Variants in DLG2 observed in about 807,000 individuals in gnomAD.
The protein encoded by DLG2 is disks large homolog 2.
Under a neutral mutation model 132.5 loss-of-function variants are expected in DLG2, and 45 were observed. That is an observed-to-expected ratio of 0.34 (90% CI 0.27 to 0.44). The LOEUF is 0.44. Among genes scored for constraint, DLG2 ranks in the 20% least tolerant of loss-of-function variants. The pLI, the probability that DLG2 is intolerant of heterozygous loss-of-function variation, is 1.00. For synonymous variants in DLG2, 424 were observed against 419.6 expected (o/e 1.01, Z -0.13); for missense variants, 1,045 against 1,196.9 (o/e 0.87, Z 1.87).
chr11:84,184,145 C>G (rs540465815), intron 8 of DLG2, among the ~76,000 whole-genome samples: 3 of 152,152 alleles, frequency 2.0e-5, no homozygotes, highest in Non-Finnish European at 4.4e-5. Flanking sequence ...CCTGAGGAAT[C>G]GCCACACTGA....
rs769915361 is a variant in DLG2, at chr11:85,461,726, T to C, written c.40+136931A>G. Reference sequence around the variant, plus strand: ...GGAGACGGAAACTGACAAAGGGAGATGTCAATCTAGCATGTAGTGAACTCC... The same window carrying C: ...GGAGACGGAAACTGACAAAGGGAGACGTCAATCTAGCATGTAGTGAACTCC... On this transcript the variant is annotated intron_variant, in intron 3 of 27. Coordinates refer to ENST00000376104, the MANE Select transcript of DLG2 (RefSeq NM_001142699.3). Among the ~76,000 whole-genome samples, 8 of 152,334 alleles carry C rather than the reference T, an allele frequency of 5.3e-5. No individual in the cohort carries two copies. In the East Asian group the frequency reaches 9.6e-4, roughly 18 times the overall value.
intron 3 of DLG2, among the ~76,000 whole-genome samples, chr11:85,345,528 C>T (rs2082772915): frequency 6.6e-6 from 1 of 152,110 alleles, no homozygotes; most frequent in Non-Finnish European, 1.5e-5. Context: ...GAGGAATTTG[C>T]ATGATATCAC....
chr11:84,019,480 G>A (rs1329304058), intron 11 of DLG2, among the ~76,000 whole-genome samples: 4 of 152,188 alleles, frequency 2.6e-5, no homozygotes, highest in South Asian at 2.1e-4. Flanking sequence ...GATACATAGC[G>A]AAAAGACGTA....
chr11:84,351,855 C>G (rs1172168508), intron 7 of DLG2, among the ~76,000 whole-genome samples: 1 of 152,144 alleles, frequency 6.6e-6, no homozygotes, highest in Non-Finnish European at 1.5e-5. Flanking sequence ...ACGCACTATG[C>G]TCCATATATA....
chr11:83,588,106 G>T (rs938519952), intron 19 of DLG2, among the ~76,000 whole-genome samples: 1 of 152,188 alleles, frequency 6.6e-6, no homozygotes, highest in Admixed American at 6.5e-5. Flanking sequence ...AAGCAGCTGG[G>T]AAGCTCGAAC....
chr11:84,671,339 G>A (rs2099705724), intron 6 of DLG2, among the ~76,000 whole-genome samples: 1 of 151,980 alleles, frequency 6.6e-6, no homozygotes, highest in South Asian at 2.1e-4. Context: ...CTGGGCTCAG[G>A]CAGTCATCTC....
At chr11:83,493,973 A>G (rs1166071988) in intron 21 of DLG2, among the ~76,000 whole-genome samples, 1 of 152,146 alleles carries the variant, frequency 6.6e-6, no homozygotes, top group Non-Finnish European at 1.5e-5. Context: ...CAATAAAGCC[A>G]AGGTATCAAA....
intron 17 of DLG2, among the ~76,000 whole-genome samples, chr11:83,823,558 A>G (rs1411969793): frequency 6.6e-6 from 1 of 152,204 alleles, no homozygotes; most frequent in Non-Finnish European, 1.5e-5. Flanking sequence ...TCAGGACAGA[A>G]GGGATTAATT....
chr11:85,545,564 T>C (rs980635536), intron 3 of DLG2, among the ~76,000 whole-genome samples: 5 of 152,200 alleles, frequency 3.3e-5, no homozygotes, highest in African/African-American at 1.2e-4. Context: ...GAAGGAATGG[T>C]ACCAGCTCCT....
intron 6 of DLG2, among the ~76,000 whole-genome samples, chr11:84,654,043 T>G (rs1341850312): frequency 6.6e-6 from 1 of 152,172 alleles, no homozygotes; most frequent in Admixed American, 6.5e-5. Context: ...CTTAATAGAA[T>G]ATGAAGTGGT....
intron 6 of DLG2, among the ~76,000 whole-genome samples, chr11:84,878,329 T>C (rs1486981349): frequency 6.6e-6 from 1 of 152,148 alleles, no homozygotes; most frequent in African/African-American, 2.4e-5. Flanking sequence ...AATGATAGAC[T>C]GGATAAAGAA....
intron 6 of DLG2, among the ~76,000 whole-genome samples, chr11:84,756,506 T>C (rs999016914): frequency 2.0e-5 from 3 of 152,224 alleles, no homozygotes; most frequent in African/African-American, 7.2e-5. Context: ...GTTCTACCAC[T>C]TTCTAGGTGT....
chr11:84,438,375 A>G (rs1200728835), intron 7 of DLG2, among the ~76,000 whole-genome samples: 1 of 152,150 alleles, frequency 6.6e-6, no homozygotes, highest in East Asian at 1.9e-4. Context: ...TGAGGCCTCT[A>G]TTACAGGACG....
chr11:85,403,498 T>C (rs866909569), intron 3 of DLG2, among the ~76,000 whole-genome samples: 1 of 151,246 alleles, frequency 6.6e-6, no homozygotes, highest in Non-Finnish European at 1.5e-5. Context: ...ATAAAAAAAA[T>C]TAAATTTAAA....
chr11:85,320,351 T>C (rs1335567304), intron 3 of DLG2, among the ~76,000 whole-genome samples: 1 of 151,892 alleles, frequency 6.6e-6, no homozygotes, highest in African/African-American at 2.4e-5. Flanking sequence ...GGAGCTAGCT[T>C]AGGAAATCAG....
rs1555630647 is a variant in DLG2 at position 84,502,160 on chromosome 11, T to TTC, written c.519+32408_519+32409dup. Among the ~76,000 whole-genome samples, 152 of 41,204 alleles carry TTC rather than the reference T, an allele frequency of 3.7e-3. 26 individuals carry two copies. The highest frequency in any genetic ancestry group is 0.011 in the South Asian group (10 of 894). The allele number at this position is 41,204 out of a possible 152,430, so 27.0% of individuals were successfully genotyped here. ...TCCTTTCTTTCCTTCCTTCCTTCCT[T>TTC]TCTCTCTCTCTCTCTTTCTCTCTCT... On this transcript the variant is annotated intron_variant, in intron 7 of 27. Coordinates refer to ENST00000376104, the MANE Select transcript of DLG2 (RefSeq NM_001142699.3).
intron 6 of DLG2, among the ~76,000 whole-genome samples, chr11:84,940,729 T>A (rs556553133): frequency 6.6e-6 from 1 of 152,366 alleles, no homozygotes; most frequent in African/African-American, 2.4e-5. Flanking sequence ...GCTTTGTAAC[T>A]TGATGTGATC....
intron 8 of DLG2, among the ~76,000 whole-genome samples, chr11:84,242,053 C>T (rs193211393): frequency 6.6e-6 from 1 of 152,288 alleles, no homozygotes; most frequent in East Asian, 1.9e-4. Context: ...CTAGGTTACA[C>T]TTCTTGGAAT....
chr11:85,436,227 T>C (rs999304551), intron 3 of DLG2, among the ~76,000 whole-genome samples: 2 of 151,992 alleles, frequency 1.3e-5, no homozygotes, highest in African/African-American at 4.8e-5. Context: ...ACCTAGGCAA[T>C]ACCATTCAGG....
Sources: gnomAD v4.1 joint callset for allele counts (sites outside exome capture counted in the v4.1 genomes callset) on GRCh38, gnomAD v4.1.1 for gene constraint, MANE v1.5 for transcripts, NCBI Gene and HGNC (gene_info 2026-07-23, HGNC 2026-07-21) for gene names.